JAK1: variants seen among roughly 807,000 people sequenced by gnomAD.
The protein encoded by JAK1 is tyrosine-protein kinase JAK1.
Under a neutral mutation model 136.6 loss-of-function variants are expected in JAK1, and 16 were observed. The observed-to-expected ratio is 0.12, with a 90% CI of 0.08 to 0.18. JAK1 has a LOEUF of 0.18. JAK1 is among the 10% of genes least tolerant of loss of function. The pLI is 1.00. For synonymous variants in JAK1, 492 were observed against 519.5 expected, an observed-to-expected ratio of 0.95 and a Z score of 0.72; for missense variants, 859 against 1,450.1, an observed-to-expected ratio of 0.59 and a Z score of 6.62.
At chr1:65,057,158 C>T (rs757268389) in intron 1 of JAK1, among the ~76,000 whole-genome samples, 17 of 152,122 alleles carry the variant, frequency 1.1e-4, no homozygotes, top group Non-Finnish European at 1.8e-4. Context: ...GCCTAAAACA[C>T]GTTCCATGAA....
At chr1:65,062,966 TAAAGGG>T (rs1163974420) in intron 1 of JAK1, among the ~76,000 whole-genome samples, 1 of 152,220 alleles carries the variant, frequency 6.6e-6, no homozygotes, top group Non-Finnish European at 1.5e-5. Context: ...ATCTATAAAA[TAAAGGG>T]ATAGCACCGA....
At chr1:65,007,097 A>G (rs1646809561) in intron 2 of JAK1, among the ~76,000 whole-genome samples, 1 of 152,210 alleles carries the variant, frequency 6.6e-6, no homozygotes, top group South Asian at 2.1e-4. Flanking sequence ...AAGCCTTCAC[A>G]GATCAAAAGT....
At chr1:64,843,088 G>C (rs76143185) in intron 17 of JAK1, among the ~76,000 whole-genome samples, 8,457 of 152,006 alleles carry the variant, frequency 0.056, 307 homozygotes, top group Non-Finnish European at 0.084. Flanking sequence ...ATCCTTCCTT[G>C]TCCCATGCCA....
At chr1:64,988,982 ATG>A (rs1244529592) in intron 2 of JAK1, among the ~76,000 whole-genome samples, 1,425 of 128,522 alleles carry the variant, frequency 0.011, 31 homozygotes, top group African/African-American at 0.037. Flanking sequence ...ATATATGTAT[ATG>A]TGTGTGTGTG....
At chr1:64,948,527 G>A (rs539060340) in intron 1 of JAK1, among the ~76,000 whole-genome samples, 12 of 152,238 alleles carry the variant, frequency 7.9e-5, no homozygotes, top group South Asian at 6.2e-4. Context: ...TGTTGATTTC[G>A]CAGATCTCAC....
At chr1:64,954,569 T>C (rs1646148571) in intron 1 of JAK1, among the ~76,000 whole-genome samples, 1 of 152,222 alleles carries the variant, frequency 6.6e-6, no homozygotes, top group Non-Finnish European at 1.5e-5. Flanking sequence ...CTGTTTTATA[T>C]AGGATAAGTA....
chr1:65,005,833 G>T (rs375192747), intron 2 of JAK1, among the ~76,000 whole-genome samples: 1 of 151,978 alleles, frequency 6.6e-6, no homozygotes, highest in African/African-American at 2.4e-5. Flanking sequence ...AAGTGCAAAG[G>T]GCCAAAATTA....
chr1:65,062,846 T>C (rs1429768806), intron 1 of JAK1, among the ~76,000 whole-genome samples: 3 of 152,270 alleles, frequency 2.0e-5, no homozygotes, highest in Non-Finnish European at 4.4e-5. Flanking sequence ...GATTGATTAA[T>C]TGATGAACCT....
intron 2 of JAK1, among the ~76,000 whole-genome samples, chr1:65,008,737 G>A (rs2100765578): frequency 6.6e-6 from 1 of 151,872 alleles, no homozygotes; most frequent in Admixed American, 6.6e-5. Context: ...GCCCTGGCTG[G>A]AGTGCAGTGG....
intron 2 of JAK1, among the ~76,000 whole-genome samples, chr1:65,033,725 CAAAAAA>C (rs10700479): frequency 1.1e-5 from 1 of 89,256 alleles, no homozygotes; most frequent in South Asian, 3.8e-4. Context: ...CCCGTAGTAC[CAAAAAA>C]AAAAAAAAAA....
intron 2 of JAK1, among the ~76,000 whole-genome samples, chr1:65,020,574 T>G (rs1404564005): frequency 1.3e-5 from 2 of 152,226 alleles, no homozygotes; most frequent in Non-Finnish European, 2.9e-5. Context: ...CATATATGCT[T>G]TATGCACTTT....
At chr1:64,898,377 C>T (rs1486607885) in intron 1 of JAK1, among the ~76,000 whole-genome samples, 1 of 152,190 alleles carries the variant, frequency 6.6e-6, no homozygotes, top group Non-Finnish European at 1.5e-5. Context: ...AAACCAGAGG[C>T]CAGGAGGCCA....
intron 1 of JAK1, among the ~76,000 whole-genome samples, chr1:64,927,200 G>A (rs924423960): frequency 4.6e-5 from 7 of 151,950 alleles, no homozygotes; most frequent in Admixed American, 1.3e-4. Flanking sequence ...TCTCTGGCAC[G>A]GTCTCCCGTG....
chr1:64,894,946 G>A (rs774704914), intron 1 of JAK1, among the ~76,000 whole-genome samples: 1 of 152,068 alleles, frequency 6.6e-6, no homozygotes, highest in Non-Finnish European at 1.5e-5. Flanking sequence ...AGCTCTCAGC[G>A]AACCCTATCC....
chr1:64,873,546 C>A (rs745899739), intron 4 of JAK1, 23 bp from the exon 5 acceptor site: 1 of 1,613,806 alleles, frequency 6.2e-7, no homozygotes, highest in Non-Finnish European at 8.5e-7. Context: ...AAAATGAATG[C>A]CAATTGTGGC....
intron 2 of JAK1, among the ~76,000 whole-genome samples, chr1:64,884,033 A>T (rs1214281375): frequency 6.6e-6 from 1 of 152,106 alleles, no homozygotes; most frequent in Non-Finnish European, 1.5e-5. Context: ...CAAAATGATG[A>T]CCAATTCATG....
At chr1:64,869,501 G>C (rs376784226) in intron 5 of JAK1, 27 bp from the exon 6 acceptor site, 8 of 1,603,596 alleles carry the variant, frequency 5.0e-6, no homozygotes, top group Non-Finnish European at 6.8e-6. Context: ...GAAACCATGA[G>C]AGCCCACCCG....
intron 1 of JAK1, among the ~76,000 whole-genome samples, chr1:64,962,778 A>G (rs1646305087): frequency 6.6e-6 from 1 of 152,182 alleles, no homozygotes; most frequent in South Asian, 2.1e-4. Context: ...TATAAAAACA[A>G]TGAACCAGGC....
At chr1:64,943,337 AT>A (rs1270723955) in intron 1 of JAK1, among the ~76,000 whole-genome samples, 1 of 152,214 alleles carries the variant, frequency 6.6e-6, no homozygotes, top group Non-Finnish European at 1.5e-5. Context: ...CACCTCTTCA[AT>A]GTCTCACTGG....
Sources: gnomAD v4.1 joint callset for allele counts (sites outside exome capture counted in the v4.1 genomes callset) on GRCh38, gnomAD v4.1.1 for gene constraint, MANE v1.5 for transcripts, NCBI Gene and HGNC (gene_info 2026-07-23, HGNC 2026-07-21) for gene names.